The following DLGAP1 variants were observed in gnomAD, a reference collection of about 807,000 sequenced individuals.
DLGAP1 encodes the protein DLG associated protein 1.
DLGAP1 carries 11 observed loss-of-function variants against 90.8 expected under a neutral mutation model. The observed-to-expected ratio is 0.12, with a 90% CI of 0.08 to 0.20. The LOEUF (loss-of-function observed/expected upper bound fraction) is 0.20. Ranked by LOEUF, DLGAP1 falls within the 10% of genes least tolerant of loss-of-function variation. The pLI, the probability that DLGAP1 is intolerant of heterozygous loss-of-function variation, is 1.00. For synonymous variants in DLGAP1, 558 were observed against 540.7 expected, an observed-to-expected ratio of 1.03 and a Z score of -0.44; for missense variants, 1,050 against 1,333.8, an observed-to-expected ratio of 0.79 and a Z score of 3.31.
intron 1 of DLGAP1, among the ~76,000 whole-genome samples, chr18:4,379,546 A>G (rs528923312): frequency 6.6e-6 from 1 of 152,276 alleles, no homozygotes; most frequent in South Asian, 2.1e-4. Flanking sequence ...ATGCCAACTC[A>G]TACCAATCAT....
chr18:4,240,883 A>G (rs2078520468), intron 1 of DLGAP1, among the ~76,000 whole-genome samples: 1 of 152,202 alleles, frequency 6.6e-6, no homozygotes, highest in Admixed American at 6.5e-5. Context: ...ACGAACTTAC[A>G]CAATTTCATT....
chr18:4,100,447 G>T (rs547691793), intron 2 of DLGAP1, among the ~76,000 whole-genome samples: 15 of 152,298 alleles, frequency 9.8e-5, no homozygotes, highest in Admixed American at 2.0e-4. Context: ...ATCCAAGCTT[G>T]TTGTTCCATT....
chr18:4,369,778 A>C (rs1021622815), intron 1 of DLGAP1, among the ~76,000 whole-genome samples: 1 of 143,508 alleles, frequency 7.0e-6, no homozygotes, highest in Non-Finnish European at 1.5e-5. Context: ...AACAAAACCT[A>C]GTATAAATCT....
rs35581578 is a variant in DLGAP1 at position 4,276,210 on chromosome 18, AG to A, written c.-266-124924del. On this transcript the variant is annotated intron_variant, in intron 1 of 12. Transcript: ENST00000315677. ...TTAATGCAGGGCAGGAGACAGGGGG[AG>A]GCATAAGAAATAGGATCATAATTAT... Among the ~76,000 whole-genome samples the A allele has an allele frequency of 1.1e-3, 150 of 137,472 alleles. 2 individuals are homozygous for A. Among genetic ancestry groups the A allele is most frequent in the Admixed American group, 8.8e-3 (119 of 13,498 alleles). 90.2% of individuals were successfully genotyped at this position (137,472 alleles called of 152,430 possible). A position where few individuals can be genotyped will look rare whatever the true frequency, so the allele number is the denominator to read the frequency against.
chr18:3,656,212 T>C (rs2059477793), intron 7 of DLGAP1: 25 of 1,031,056 alleles, frequency 2.4e-5, no homozygotes, highest in Non-Finnish European at 3.4e-5. Flanking sequence ...GATTTTTCTT[T>C]TTCTGCTGGC....
intron 3 of DLGAP1, among the ~76,000 whole-genome samples, chr18:3,923,686 T>C (rs2072318144): frequency 6.6e-6 from 1 of 152,240 alleles, no homozygotes; most frequent in African/African-American, 2.4e-5. Flanking sequence ...TTCCTTAATC[T>C]TTGGTGATAC....
chr18:3,754,240 C>A (rs1383551052), intron 5 of DLGAP1, among the ~76,000 whole-genome samples: 1 of 152,056 alleles, frequency 6.6e-6, no homozygotes, highest in East Asian at 1.9e-4. Flanking sequence ...TGGGTCCAAG[C>A]AATCTGCCTG....
intron 1 of DLGAP1, among the ~76,000 whole-genome samples, chr18:4,446,461 AG>A (rs574301509): frequency 5.8e-4 from 89 of 152,260 alleles, no homozygotes; most frequent in African/African-American, 2.1e-3. Context: ...CAGCAGCAGC[AG>A]CAGAACTCAT....
At chr18:4,409,530 G>A (rs967531964) in intron 1 of DLGAP1, among the ~76,000 whole-genome samples, 8 of 152,054 alleles carry the variant, frequency 5.3e-5, no homozygotes, top group Admixed American at 2.6e-4. Flanking sequence ...AATTAATATC[G>A]ATGAGAGACA....
At chr18:3,897,778 ATTTTTTTTTTT>A (rs869170460) in intron 3 of DLGAP1, among the ~76,000 whole-genome samples, 27 of 94,500 alleles carry the variant, frequency 2.9e-4, no homozygotes, top group Admixed American at 1.3e-3. Flanking sequence ...CGAATTTCTG[ATTTTTTTTTTT>A]TTTTTTTTTT....
chr18:4,075,348 G>A (rs980482677), intron 2 of DLGAP1, among the ~76,000 whole-genome samples: 3 of 152,104 alleles, frequency 2.0e-5, no homozygotes, highest in Non-Finnish European at 2.9e-5. Context: ...AAGAAATAGG[G>A]AGAAAGCAAA....
intron 2 of DLGAP1, among the ~76,000 whole-genome samples, chr18:4,128,337 T>C (rs1284040697): frequency 6.6e-6 from 1 of 152,166 alleles, no homozygotes; most frequent in Admixed American, 6.5e-5. Flanking sequence ...GTGAGTAGGC[T>C]ATATGCAAAT....
At chr18:4,345,770 C>A (rs760792683) in intron 1 of DLGAP1, among the ~76,000 whole-genome samples, 2 of 152,174 alleles carry the variant, frequency 1.3e-5, no homozygotes, top group South Asian at 2.1e-4. Flanking sequence ...TTTTTCCCTT[C>A]TGCTATGTGT....
chr18:3,790,783 C>T (rs1427969145), intron 5 of DLGAP1, among the ~76,000 whole-genome samples: 4 of 151,922 alleles, frequency 2.6e-5, no homozygotes, highest in Admixed American at 6.6e-5. Context: ...GCATTTGTGG[C>T]GGCAGGCAGT....
At chr18:4,267,646 C>G (rs922929302) in intron 1 of DLGAP1, among the ~76,000 whole-genome samples, 14 of 152,144 alleles carry the variant, frequency 9.2e-5, no homozygotes, top group Non-Finnish European at 2.1e-4. Flanking sequence ...TTATCTCACC[C>G]AATTTGAGGT....
At chr18:4,401,646 G>A (rs6506199) in intron 1 of DLGAP1, among the ~76,000 whole-genome samples, 133,863 of 152,100 alleles carry the variant, frequency 0.88, 59,115 homozygotes, top group East Asian at 1. Flanking sequence ...TAACTAAAAT[G>A]TACCTGGAAA....
At chr18:3,735,387 C>CT (rs969497093) in intron 6 of DLGAP1, among the ~76,000 whole-genome samples, 11 of 151,296 alleles carry the variant, frequency 7.3e-5, no homozygotes, top group African/African-American at 1.9e-4. Flanking sequence ...GCCTGGCTAA[C>CT]TTTTTTTTTG....
chr18:3,918,317 G>A (rs779317813), intron 3 of DLGAP1, among the ~76,000 whole-genome samples: 6 of 152,142 alleles, frequency 3.9e-5, no homozygotes, highest in East Asian at 1.9e-4. Flanking sequence ...AACTGAACAC[G>A]GTAGAAGCCA....
intron 3 of DLGAP1, among the ~76,000 whole-genome samples, chr18:3,928,048 C>T (rs541675899): frequency 9.2e-5 from 14 of 152,310 alleles, no homozygotes; most frequent in Non-Finnish European, 2.1e-4. Context: ...TTTGTGGTTT[C>T]TCTATGCTTT....
Sources: gnomAD v4.1 joint callset for allele counts (sites outside exome capture counted in the v4.1 genomes callset) on GRCh38, gnomAD v4.1.1 for gene constraint, MANE v1.5 for transcripts, NCBI Gene and HGNC (gene_info 2026-07-23, HGNC 2026-07-21) for gene names.